TRAF5: variants seen among roughly 807,000 people sequenced by gnomAD.
TRAF5 encodes TNF receptor associated factor 5.
In TRAF5, 48 loss-of-function variants were observed where a neutral mutation model predicts 64.5. The ratio of observed to expected loss-of-function variants is 0.74; its 90% CI spans 0.59 to 0.95. The LOEUF (loss-of-function observed/expected upper bound fraction) is 0.95, where lower values mean the gene tolerates loss of function less well. Among genes scored for constraint, TRAF5 ranks in the 40% least tolerant of loss-of-function variants. The pLI, the probability that TRAF5 is intolerant of heterozygous loss-of-function variation, is 0.00. For synonymous variants in TRAF5, 206 were observed against 240.5 expected, an observed-to-expected ratio of 0.86 and a Z score of 1.33; for missense variants, 545 against 662.8, an observed-to-expected ratio of 0.82 and a Z score of 1.95.
At chr1:211,346,962 C>T (rs1295754087) in intron 1 of TRAF5, among the ~76,000 whole-genome samples, 1 of 152,232 alleles carries the variant, frequency 6.6e-6, no homozygotes, top group Non-Finnish European at 1.5e-5. Flanking sequence ...TTTCTTTTGT[C>T]TCTTTTGGCT....
intron 1 of TRAF5, among the ~76,000 whole-genome samples, chr1:211,328,174 G>A (rs547810109): frequency 6.6e-6 from 1 of 152,182 alleles, no homozygotes; most frequent in African/African-American, 2.4e-5. Context: ...TGAAAACAGG[G>A]GTGTTAATGT....
At chr1:211,351,001 A>G (rs1302816740) in intron 1 of TRAF5, among the ~76,000 whole-genome samples, 2 of 147,496 alleles carry the variant, frequency 1.4e-5, no homozygotes, top group Non-Finnish European at 3.0e-5. Flanking sequence ...GTGCACCACC[A>G]TTCCCTGCTC....
intron 9 of TRAF5, among the ~76,000 whole-genome samples, chr1:211,369,840 G>A (rs764386865): frequency 1.8e-4 from 27 of 152,200 alleles, no homozygotes; most frequent in African/African-American, 5.8e-4. Context: ...GTGTGTGTGC[G>A]TGTGCATGTG....
rs1337738324 is a variant in TRAF5, at chr1:211,373,426, GA to G, written c.*731del. 1 of 151,880 alleles carries G rather than the reference GA, an allele frequency of 6.6e-6. No homozygotes were observed. The highest frequency in any genetic ancestry group is 2.4e-5 in the African/African-American group (1 of 41,328). The allele number at this position is 151,880 out of a possible 1,614,324, so 9.4% of individuals were successfully genotyped here. ...CAGATTTTGTTAGGTTCAACCCTAT[GA>G]AAAAAACTATTTTCATAGGTCAAAA... is the stretch of plus-strand genomic sequence containing the variant. On this transcript the variant is annotated 3_prime_UTR_variant, in exon 11 of 11. Coordinates refer to ENST00000261464, the MANE Select transcript of TRAF5 (RefSeq NM_001033910.3).
chr1:211,364,066 G>A (rs1703270568), intron 7 of TRAF5, among the ~76,000 whole-genome samples: 1 of 152,052 alleles, frequency 6.6e-6, no homozygotes, highest in African/African-American at 2.4e-5. Context: ...ACCTTATTTA[G>A]GACAGCCTGT....
chr1:211,356,531 C>G, intron 4 of TRAF5, 63 bp downstream of exon 4: 1 of 1,388,736 alleles, frequency 7.2e-7, no homozygotes, highest in South Asian at 1.2e-5. Context: ...TGTTGAACCC[C>G]TTTATGTGAC....
At chr1:211,357,351 AT>A in intron 4 of TRAF5, 1 of 152,294 alleles carries the variant, frequency 6.6e-6, no homozygotes, top group African/African-American at 2.4e-5. Flanking sequence ...TAATCCAGGA[AT>A]TTATTTGGAG....
At chr1:211,350,390 G>GAACAAAAACAAAAACAAAA (rs1455852188) in intron 1 of TRAF5, among the ~76,000 whole-genome samples, 2 of 148,514 alleles carry the variant, frequency 1.3e-5, no homozygotes, top group African/African-American at 5.0e-5. Flanking sequence ...TGTATTAGAA[G>GAACAAAAACAAAAACAAAA]AACAAAAACA....
At chr1:211,329,427 A>C (rs10863888) in intron 1 of TRAF5, among the ~76,000 whole-genome samples, 2 of 152,078 alleles carry the variant, frequency 1.3e-5, no homozygotes, top group Admixed American at 6.5e-5. Context: ...TTAACTTCTC[A>C]CTACCTCCTC....
chr1:211,374,326 AGTATGGGCCATGGGCCCCT>A lies in TRAF5; in HGVS notation c.*1628_*1646del, dbSNP rs1213058591. The A allele has an allele frequency of 6.5e-6, 1 of 152,880 alleles. No individual in the cohort carries two copies. The highest frequency in any genetic ancestry group is 6.5e-5 in the Admixed American group (1 of 15,288). 9.5% of individuals were successfully genotyped at this position (152,880 alleles called of 1,614,324 possible). ...TGGCTCCCCTGGGCACGCAAGGATG[AGTATGGGCCATGGGCCCCT>A]GTAGAGCTGCTTACCTGGTGATGAC... On this transcript the variant is annotated 3_prime_UTR_variant, in exon 11 of 11. Transcript: ENST00000261464.
intron 1 of TRAF5, among the ~76,000 whole-genome samples, chr1:211,329,698 T>A (rs1702108101): frequency 6.6e-6 from 1 of 152,212 alleles, no homozygotes; most frequent in Admixed American, 6.5e-5. Context: ...GGTCAGTGTC[T>A]GACTCAGTCT....
Position 211,360,093 on chromosome 1 carries a change from A to T in TRAF5, c.543+17A>T. On this transcript the variant is annotated intron_variant, in intron 5 of 10. Coordinates refer to ENST00000261464, the MANE Select transcript of TRAF5 (RefSeq NM_001033910.3). Reference sequence around the variant, plus strand: ...AATCTACAGGTGAAAAACAACACATACAACAGTCATCTTTATGGAGCTAAA... The same window carrying T: ...AATCTACAGGTGAAAAACAACACATTCAACAGTCATCTTTATGGAGCTAAA... 2.5e-6 allele frequency: 4 copies of T among 1,612,266 alleles called. No individual in the cohort carries two copies. Among genetic ancestry groups the T allele is most frequent in the Non-Finnish European group, 3.4e-6 (4 of 1,178,732 alleles).
At chr1:211,332,785 A>G (rs1702190247) in intron 1 of TRAF5, among the ~76,000 whole-genome samples, 1 of 152,198 alleles carries the variant, frequency 6.6e-6, no homozygotes, top group African/African-American at 2.4e-5. Context: ...TAAAAAGATG[A>G]AGAACATTTT....
At chr1:211,347,492 TA>T (rs1702647630) in intron 1 of TRAF5, among the ~76,000 whole-genome samples, 1 of 152,218 alleles carries the variant, frequency 6.6e-6, no homozygotes, top group African/African-American at 2.4e-5. Flanking sequence ...GTTATGAGAT[TA>T]AAAACCCAAT....
intron 9 of TRAF5, 122 bp downstream of exon 9, chr1:211,369,714 G>A: frequency 8.7e-7 from 1 of 1,144,968 alleles, no homozygotes; most frequent in Non-Finnish European, 1.2e-6. Flanking sequence ...GAATAAGATG[G>A]TGCAAAGAAC....
chr1:211,337,788 A>G lies in TRAF5; in HGVS notation c.-2+10899A>G, dbSNP rs1702343245. 3.3e-5 allele frequency among the ~76,000 whole-genome samples: 5 copies of G among 152,176 alleles called. 1 individual carries two copies. The highest frequency in any genetic ancestry group is 2.0e-4 in the Admixed American group (3 of 15,274). On this transcript the variant is annotated intron_variant, in intron 1 of 10. Coordinates refer to ENST00000261464, the MANE Select transcript of TRAF5 (RefSeq NM_001033910.3). ...GGATCACTCCAAAGTTTTTGGTCCAAGTGACGCTGTGATTGGTGGTACCAT... is the reference window on the plus strand; with the variant it reads ...GGATCACTCCAAAGTTTTTGGTCCAGGTGACGCTGTGATTGGTGGTACCAT...
chr1:211,371,346 A>G lies in TRAF5; in HGVS notation c.975A>G (p.Gln325=), dbSNP rs1703513566. The G allele has an allele frequency of 2.5e-6, 4 of 1,609,236 alleles. No homozygotes were observed. Among genetic ancestry groups the G allele is most frequent in the African/African-American group, 1.3e-5 (1 of 74,834 alleles). ...ACAAGTCAGCTTGGCTAGAAGCTCA[A>G]GTGCATCAATTATTACAAATGGTTA... ...HIDKSAWLEA[Q]VHQLLQMVNQ... The change falls in exon 10 of 11, where the codon CAA becomes CAG. Residue 325 remains glutamine, a synonymous_variant. Coordinates refer to ENST00000261464, the MANE Select transcript of TRAF5 (RefSeq NM_001033910.3).
chr1:211,354,819 T>A (rs1702909826), intron 3 of TRAF5, among the ~76,000 whole-genome samples: 2 of 152,232 alleles, frequency 1.3e-5, no homozygotes, highest in African/African-American at 4.8e-5. Context: ...TTTGTACATC[T>A]TCTTTGTTAA....
chr1:211,355,015 A>C (rs1158355349), intron 3 of TRAF5, among the ~76,000 whole-genome samples: 1 of 152,058 alleles, frequency 6.6e-6, no homozygotes, highest in African/African-American at 2.4e-5. Flanking sequence ...TCTACTAAAA[A>C]TACAGAAATT....
Sources: allele counts gnomAD v4.1 joint callset (sites outside exome capture counted in the v4.1 genomes callset), GRCh38; gene constraint gnomAD v4.1.1; transcripts MANE v1.5; gene names NCBI Gene and HGNC (gene_info 2026-07-23, HGNC 2026-07-21).